PRDM16: variants seen among roughly 807,000 people sequenced by gnomAD.
The protein encoded by PRDM16 is histone-lysine N-methyltransferase PRDM16.
Under a neutral mutation model 110.6 loss-of-function variants are expected in PRDM16, and 23 were observed. The ratio of observed to expected loss-of-function variants is 0.21; its 90% CI spans 0.15 to 0.29. PRDM16 has a LOEUF of 0.29. Among genes scored for constraint, PRDM16 ranks in the 10% least tolerant of loss-of-function variants. The pLI, the probability that PRDM16 is intolerant of heterozygous loss-of-function variation, is 1.00. For missense variants in PRDM16, 1,615 were observed against 1,794.3 expected, an observed-to-expected ratio of 0.90 and a Z score of 1.81; for synonymous variants, 799 against 781.8, an observed-to-expected ratio of 1.02 and a Z score of -0.37.
chr1:3,346,402 G>A (rs989737607), intron 3 of PRDM16, among the ~76,000 whole-genome samples: 48 of 152,116 alleles, frequency 3.2e-4, no homozygotes, highest in Admixed American at 3.1e-3. Context: ...GGCAGAACAC[G>A]GGGGCCTGCC....
intron 3 of PRDM16, among the ~76,000 whole-genome samples, chr1:3,268,103 C>A (rs1172217140): frequency 6.6e-6 from 1 of 152,218 alleles, no homozygotes; most frequent in Non-Finnish European, 1.5e-5. Flanking sequence ...CCCGTTTGCA[C>A]ACACGTGGGA....
At chr1:3,178,000 C>T (rs1644108501) in intron 1 of PRDM16, among the ~76,000 whole-genome samples, 1 of 152,140 alleles carries the variant, frequency 6.6e-6, no homozygotes, top group African/African-American at 2.4e-5. Flanking sequence ...GACGCCAGGC[C>T]GCGGCGTCTT....
At chr1:3,176,960 T>C (rs1176197127) in intron 1 of PRDM16, among the ~76,000 whole-genome samples, 8 of 150,964 alleles carry the variant, frequency 5.3e-5, no homozygotes, top group Non-Finnish European at 1.2e-4. Context: ...ATTCATTCAT[T>C]CATCCATCCA....
chr1:3,179,314 G>C (rs1644124613), intron 1 of PRDM16, among the ~76,000 whole-genome samples: 1 of 152,272 alleles, frequency 6.6e-6, no homozygotes, highest in Non-Finnish European at 1.5e-5. Flanking sequence ...CAGGCTGGGT[G>C]TCAGGGGCAG....
intron 1 of PRDM16, among the ~76,000 whole-genome samples, chr1:3,110,402 GAC>G (rs1642763053): frequency 6.8e-6 from 1 of 147,470 alleles, no homozygotes; most frequent in Admixed American, 6.7e-5. Context: ...TGGGTGTGGG[GAC>G]ACAGTGTCTG....
chr1:3,091,520 C>T (rs575448513), intron 1 of PRDM16, among the ~76,000 whole-genome samples: 1 of 152,252 alleles, frequency 6.6e-6, no homozygotes, highest in Non-Finnish European at 1.5e-5. Context: ...CGGCTCCTCT[C>T]CACGCCTGCC....
At chr1:3,396,954 T>C (rs2100631364) in intron 5 of PRDM16, among the ~76,000 whole-genome samples, 1 of 152,310 alleles carries the variant, frequency 6.6e-6, no homozygotes, top group South Asian at 2.1e-4. Context: ...TTATTGCTAT[T>C]ATTCTTATTA....
chr1:3,184,971 G>A (rs570114425), intron 1 of PRDM16, among the ~76,000 whole-genome samples: 20 of 152,274 alleles, frequency 1.3e-4, no homozygotes, highest in South Asian at 2.1e-4. Flanking sequence ...GGTCCAGGCC[G>A]CCTTCCTCCT....
In PRDM16 at chr1:3,438,140, C is replaced by T. The variant is rs533783018; in HGVS notation, c.*4329C>T. On this transcript the variant is annotated 3_prime_UTR_variant, in exon 17 of 17. Transcript: ENST00000270722. ...AAAAGACCATTGAGAAGGAGGCTGG[C>T]GCTCGCCCCATGTCCCCCTTGATTG... 2.4e-5 allele frequency: 5 copies of T among 205,616 alleles called. No individual in the cohort carries two copies. Among genetic ancestry groups the T allele is most frequent in the East Asian group, 7.4e-5 (1 of 13,508 alleles). The allele number at this position is 205,616 out of a possible 1,614,324, so 12.7% of individuals were successfully genotyped here.
At chr1:3,312,174 C>T (rs1193918535) in intron 3 of PRDM16, among the ~76,000 whole-genome samples, 1 of 152,214 alleles carries the variant, frequency 6.6e-6, no homozygotes, top group East Asian at 1.9e-4. Context: ...TGAGATCTGA[C>T]TCCAAAGCAC....
chr1:3,075,780 C>A (rs558671856), intron 1 of PRDM16, among the ~76,000 whole-genome samples: 1 of 152,232 alleles, frequency 6.6e-6, no homozygotes. Flanking sequence ...TGTGTTGAAA[C>A]GAACCCGGTG....
Position 3,181,692 on chromosome 1 carries a change from GGTCTTA to G in PRDM16, c.38-4432_38-4427del, listed in dbSNP as rs1644198867. On this transcript the variant is annotated intron_variant, in intron 1 of 16. Coordinates refer to ENST00000270722, the MANE Select transcript of PRDM16 (RefSeq NM_022114.4). ...GTCTTACACGCGCAGTCTTACACAC[GGTCTTA>G]CACACGGTCTTACACACGCAGTCTT... Among the ~76,000 whole-genome samples, 51 of 91,180 alleles carry G rather than the reference GGTCTTA, an allele frequency of 5.6e-4. 2 individuals are homozygous for G. Among genetic ancestry groups the G allele is most frequent in the South Asian group, 8.0e-4 (2 of 2,492 alleles). The allele number at this position is 91,180 out of a possible 152,430, so 59.8% of individuals were successfully genotyped here. A position where few individuals can be genotyped will look rare whatever the true frequency, so the allele number is the denominator to read the frequency against.
At chr1:3,087,607 T>G (rs1251808547) in intron 1 of PRDM16, among the ~76,000 whole-genome samples, 2 of 152,338 alleles carry the variant, frequency 1.3e-5, no homozygotes, top group Non-Finnish European at 2.9e-5. Flanking sequence ...TATCCGCAGA[T>G]GCATTCTTAG....
chr1:3,166,611 C>T (rs1643960041), intron 1 of PRDM16, among the ~76,000 whole-genome samples: 2 of 152,216 alleles, frequency 1.3e-5, no homozygotes, highest in Non-Finnish European at 2.9e-5. Flanking sequence ...CCAGTAACCG[C>T]AGCCTCTTCT....
rs534851160 is a variant in PRDM16, at chr1:3,300,078, T to A, written c.438+55941T>A. Among the ~76,000 whole-genome samples, 28 of 95,604 alleles carry A rather than the reference T, an allele frequency of 2.9e-4. 5 individuals are homozygous for A. The South Asian group carries it at 9.2e-3, about 31-fold the overall frequency. 62.7% of individuals were successfully genotyped at this position (95,604 alleles called of 152,430 possible). A position where few individuals can be genotyped will look rare whatever the true frequency, so the allele number is the denominator to read the frequency against. On this transcript the variant is annotated intron_variant, in intron 3 of 16. Coordinates refer to ENST00000270722, the MANE Select transcript of PRDM16 (RefSeq NM_022114.4). ...ATGGTGACTCTGCCCTTGTTGAAGA[T>A]GCTATGCTGTGGCTGTGATGTTTCA... is the stretch of plus-strand genomic sequence containing the variant.
chr1:3,267,717 C>T (rs1044611816), intron 3 of PRDM16, among the ~76,000 whole-genome samples: 1 of 152,202 alleles, frequency 6.6e-6, no homozygotes, highest in African/African-American at 2.4e-5. Flanking sequence ...AGCCCCTGCC[C>T]CTCCTTCTGA....
rs957333595 is a variant in PRDM16, at chr1:3,432,087, A to G, written c.3643A>G (p.Thr1215Ala). The change falls in exon 16 of 17, where the codon ACC becomes GCC. Residue 1215 changes from threonine to alanine, a missense_variant. Thr to Ala is a moderately conservative substitution (Grantham distance 58, BLOSUM62 0). Transcript: ENST00000270722. ...AFEVKDVLNS[T>A]LDSEALKHTL... ...TGAAGTTAAAGATGTGCTTAATTCC[A>G]CCTTAGATTCTGAGGCTTTAAAACA... is the stretch of plus-strand genomic sequence containing the variant. 9 of 1,613,852 alleles carry G rather than the reference A, an allele frequency of 5.6e-6. No homozygotes were observed. The African/African-American group carries it at 1.2e-4, about 22-fold the overall frequency.
intron 3 of PRDM16, among the ~76,000 whole-genome samples, chr1:3,250,963 G>T (rs969356838): frequency 6.6e-6 from 1 of 152,230 alleles, no homozygotes; most frequent in Non-Finnish European, 1.5e-5. Flanking sequence ...CCCTGGCTCA[G>T]CATGAGAACA....
intron 3 of PRDM16, among the ~76,000 whole-genome samples, chr1:3,318,496 C>G (rs1396575710): frequency 1.3e-5 from 2 of 152,178 alleles, no homozygotes; most frequent in African/African-American, 4.8e-5. Context: ...GATTATTTTT[C>G]TACCATCTAT....
Sources: gnomAD v4.1 joint callset for allele counts (sites outside exome capture counted in the v4.1 genomes callset) on GRCh38, gnomAD v4.1.1 for gene constraint, MANE v1.5 for transcripts, NCBI Gene and HGNC (gene_info 2026-07-23, HGNC 2026-07-21) for gene names.